Variants in CPA6 observed in about 807,000 individuals in gnomAD.
CPA6 encodes carboxypeptidase A6.
CPA6 carries 58 observed loss-of-function variants against 63.3 expected under a neutral mutation model. The observed-to-expected ratio is 0.92, with a 90% CI of 0.74 to 1.14. The LOEUF (loss-of-function observed/expected upper bound fraction) is 1.14. Among genes scored for constraint, CPA6 ranks in the 50% most tolerant of loss-of-function variants. The pLI is 0.00. For missense variants in CPA6, 565 were observed against 526.6 expected, an observed-to-expected ratio of 1.07 and a Z score of -0.71; for synonymous variants, 185 against 179.0, an observed-to-expected ratio of 1.03 and a Z score of -0.27.
At chr8:67,617,443 G>C (rs1814983084) in intron 2 of CPA6, among the ~76,000 whole-genome samples, 1 of 152,132 alleles carries the variant, frequency 6.6e-6, no homozygotes, top group African/African-American at 2.4e-5. Context: ...GAAGGCAAAA[G>C]TCAGTGTTCT....
At chr8:67,569,809 C>G (rs1813438736) in intron 2 of CPA6, 1 of 200,714 alleles carries the variant, frequency 5.0e-6, no homozygotes, top group Non-Finnish European at 1.0e-5. Context: ...TGAGGTTTAT[C>G]TCAGCAAGCA....
rs35213871 is a variant in CPA6, at chr8:67,545,563, C to CTTTT, written c.193-27520_193-27517dup. 5.0e-5 allele frequency among the ~76,000 whole-genome samples: 4 copies of CTTTT among 80,474 alleles called. 1 individual carries two copies. The highest frequency in any genetic ancestry group is 1.6e-4 in the African/African-American group (4 of 24,332). The allele number at this position is 80,474 out of a possible 152,430, so 52.8% of individuals were successfully genotyped here. A position where few individuals can be genotyped will look rare whatever the true frequency, so the allele number is the denominator to read the frequency against. ...TTTCTTTCCACAGTTGCTACTGTTA[C>CTTTT]TTTTTTTTTTTTTTTTTTTTTGAGA... is the stretch of plus-strand genomic sequence containing the variant. On this transcript the variant is annotated intron_variant, in intron 2 of 10. Coordinates refer to ENST00000297770, the MANE Select transcript of CPA6 (RefSeq NM_020361.5).
At chr8:67,684,764 C>T (rs914089595) in intron 1 of CPA6, among the ~76,000 whole-genome samples, 1 of 152,262 alleles carries the variant, frequency 6.6e-6, no homozygotes, top group African/African-American at 2.4e-5. Flanking sequence ...TAAAATCCAG[C>T]GTTAGCAAAG....
At chr8:67,508,216 G>A (rs2128965118) in intron 5 of CPA6, among the ~76,000 whole-genome samples, 2 of 152,128 alleles carry the variant, frequency 1.3e-5, no homozygotes, top group East Asian at 3.9e-4. Flanking sequence ...ATAGCTATGA[G>A]GACAAGAGAA....
intron 2 of CPA6, among the ~76,000 whole-genome samples, chr8:67,603,037 G>A (rs936378950): frequency 3.3e-5 from 5 of 152,100 alleles, no homozygotes; most frequent in Admixed American, 2.0e-4. Context: ...TAAGCAAGAA[G>A]CTAAGTGTGA....
At chr8:67,705,811 C>T (rs1156233202) in intron 1 of CPA6, among the ~76,000 whole-genome samples, 2 of 152,244 alleles carry the variant, frequency 1.3e-5, no homozygotes, top group Admixed American at 6.5e-5. Context: ...GGCATAACTT[C>T]TACAGTATGT....
At chr8:67,457,854 G>A (rs773788741) in intron 8 of CPA6, among the ~76,000 whole-genome samples, 7 of 152,026 alleles carry the variant, frequency 4.6e-5, no homozygotes, top group Non-Finnish European at 8.8e-5. Context: ...GCCAATTCCT[G>A]CTCTGTCATT....
At chr8:67,592,434 A>G (rs968234130) in intron 2 of CPA6, among the ~76,000 whole-genome samples, 24 of 151,812 alleles carry the variant, frequency 1.6e-4, no homozygotes, top group Middle Eastern at 6.8e-3. Flanking sequence ...CTCTTTTTCT[A>G]TTGATTGGAA....
chr8:67,589,488 G>T (rs1421153457), intron 2 of CPA6, among the ~76,000 whole-genome samples: 3 of 152,180 alleles, frequency 2.0e-5, no homozygotes, highest in African/African-American at 7.2e-5. Flanking sequence ...AAGCTGACTA[G>T]ATGATCAGGG....
Position 67,607,106 on chromosome 8 carries a change from TTCCTCCTCCTCC to T in CPA6, c.192+17058_192+17069del, listed in dbSNP as rs1196391380. Reference sequence around the variant, plus strand: ...TTCTTCCTCTTCTTCTTCTTCTTCTTTCCTCCTCCTCCTCCTCCTCCTCCTCCTCCCCCTCCT... The same window carrying T: ...TTCTTCCTCTTCTTCTTCTTCTTCTTTCCTCCTCCTCCTCCTCCCCCTCCT... On this transcript the variant is annotated intron_variant, in intron 2 of 10. Transcript: ENST00000297770. Among the ~76,000 whole-genome samples, 3 of 77,786 alleles carry T rather than the reference TTCCTCCTCCTCC, an allele frequency of 3.9e-5. 1 individual carries two copies. Among genetic ancestry groups the T allele is most frequent in the Non-Finnish European group, 4.6e-5 (2 of 43,422 alleles). 51.0% of individuals were successfully genotyped at this position (77,786 alleles called of 152,430 possible). A position where few individuals can be genotyped will look rare whatever the true frequency, so the allele number is the denominator to read the frequency against.
chr8:67,686,586 A>G (rs1816714115), intron 1 of CPA6, among the ~76,000 whole-genome samples: 2 of 152,234 alleles, frequency 1.3e-5, no homozygotes, highest in African/African-American at 2.4e-5. Flanking sequence ...ATACTGCAAA[A>G]GAAAACTACT....
At chr8:67,500,429 G>T (rs1811808022) in intron 6 of CPA6, among the ~76,000 whole-genome samples, 1 of 152,030 alleles carries the variant, frequency 6.6e-6, no homozygotes, top group Non-Finnish European at 1.5e-5. Context: ...TATTCCAAAT[G>T]AGTCTTTTAT....
chr8:67,631,989 G>GT (rs1815344599), intron 1 of CPA6, among the ~76,000 whole-genome samples: 1 of 152,184 alleles, frequency 6.6e-6, no homozygotes, highest in Non-Finnish European at 1.5e-5. Flanking sequence ...TTTAAGAACT[G>GT]TAACACTCAC....
At chr8:67,614,491 G>A (rs1449757461) in intron 2 of CPA6, among the ~76,000 whole-genome samples, 2 of 152,176 alleles carry the variant, frequency 1.3e-5, no homozygotes, top group African/African-American at 2.4e-5. Context: ...GATGCCACAA[G>A]TAGCCCCCTT....
chr8:67,518,270 T>A (rs1389970556), intron 2 of CPA6, among the ~76,000 whole-genome samples: 1 of 152,164 alleles, frequency 6.6e-6, no homozygotes, highest in African/African-American at 2.4e-5. Context: ...CAAATAATAG[T>A]TTGAAGACCA....
chr8:67,620,529 G>A lies in CPA6; in HGVS notation c.192+3647C>T, dbSNP rs16933451. On this transcript the variant is annotated intron_variant, in intron 2 of 10. Coordinates refer to ENST00000297770, the MANE Select transcript of CPA6 (RefSeq NM_020361.5). ...TCTTCCCTTCTAGAGGCAATGCACA[G>A]GGAATGCAAAGAAGCTGTTAGCAAT... 6.7e-3 allele frequency among the ~76,000 whole-genome samples: 1,020 copies of A among 152,296 alleles called. 5 individuals are homozygous for A. The highest frequency in any genetic ancestry group is 0.037 in the Middle Eastern group (11 of 294).
At chr8:67,708,897 T>A (rs990795349) in intron 1 of CPA6, among the ~76,000 whole-genome samples, 1 of 152,042 alleles carries the variant, frequency 6.6e-6, no homozygotes, top group African/African-American at 2.4e-5. Context: ...CATCAGGAGA[T>A]GGTCAGGTGG....
intron 5 of CPA6, among the ~76,000 whole-genome samples, 196 bp from the exon 6 acceptor site, chr8:67,507,084 TATA>T (rs1164896099): frequency 3.4e-4 from 51 of 152,170 alleles, no homozygotes; most frequent in African/African-American, 1.2e-3. Flanking sequence ...TTGTCCTAAT[TATA>T]ATAAAAGAAC....
intron 1 of CPA6, among the ~76,000 whole-genome samples, chr8:67,657,287 G>C (rs910502739): frequency 6.6e-6 from 1 of 152,180 alleles, no homozygotes; most frequent in African/African-American, 2.4e-5. Flanking sequence ...CAGCAGACTT[G>C]TGATTGTGAA....
Sources: gnomAD v4.1 joint callset for allele counts (sites outside exome capture counted in the v4.1 genomes callset) on GRCh38, gnomAD v4.1.1 for gene constraint, MANE v1.5 for transcripts, NCBI Gene and HGNC (gene_info 2026-07-23, HGNC 2026-07-21) for gene names.